Variants in MYO10 observed in about 807,000 individuals in gnomAD.
The protein encoded by MYO10 is myosin X, also known as unconventional myosin-X.
MYO10 carries 133 observed loss-of-function variants against 257.3 expected under a neutral mutation model. The ratio of observed to expected loss-of-function variants is 0.52; its 90% CI spans 0.45 to 0.60. The LOEUF is 0.60. Among genes scored for constraint, MYO10 ranks in the 20% least tolerant of loss-of-function variants. The probability of loss-of-function intolerance (pLI) is 0.00; values close to 1 mark genes in which losing one functional copy is unlikely to be tolerated. For missense variants in MYO10, 2,399 were observed against 2,635.7 expected, an observed-to-expected ratio of 0.91 and a Z score of 1.97; for synonymous variants, 1,104 against 1,028.6, an observed-to-expected ratio of 1.07 and a Z score of -1.40.
chr5:16,671,272 A>G (rs974077474), intron 38 of MYO10, 150 bp downstream of exon 38: 1 of 1,029,776 alleles, frequency 9.7e-7, no homozygotes, highest in African/African-American at 1.6e-5. Context: ...TCATTCTACA[A>G]ACGAATGAAA....
intron 19 of MYO10, among the ~76,000 whole-genome samples, chr5:16,727,975 A>G (rs1188874494): frequency 6.6e-6 from 1 of 151,648 alleles, no homozygotes; most frequent in Non-Finnish European, 1.5e-5. Context: ...AATTATGTCC[A>G]TGGGACATTC....
At position 16,681,342 on chromosome 5, in the gene MYO10, C is replaced by T. The variant is rs142263783; in HGVS notation, c.4351G>A (p.Val1451Ile). 1.7e-4 allele frequency: 278 copies of T among 1,613,254 alleles called. 2 individuals are homozygous for T. The East Asian group carries it at 4.3e-3, about 25-fold the overall frequency. Residue 1451 changes from valine to isoleucine, a missense_variant, in exon 32 of 41, where the codon GTC becomes ATC. Physicochemically the swap from Val to Ile is conservative, Grantham distance 29. This residue lies in a region of MYO10 where 1,820 missense variants were observed against 1,939.4 expected (regional missense o/e 0.94). Transcript: ENST00000513610. ...TLVLNSLCSV[V>I]PPDEKIFKET... is the part of the protein sequence containing the mutation. ...TTGAATATCTTCTCATCTGGGGGGA[C>T]GACAGAGCAGAGGCTGTTGAGGACC...
intron 2 of MYO10, among the ~76,000 whole-genome samples, chr5:16,853,296 C>CCCGAGAGGCGGAGCTTGCAGTGAGCTG (rs1561019534): frequency 6.6e-6 from 1 of 151,952 alleles, no homozygotes; most frequent in East Asian, 1.9e-4. Context: ...ATGGCATGAA[C>CCCGAGAGGCGGAGCTTGCAGTGAGCTG]CCGAGAGGCG....
chr5:16,843,205 C>T (rs995879505), intron 2 of MYO10, among the ~76,000 whole-genome samples: 9 of 152,166 alleles, frequency 5.9e-5, no homozygotes, highest in South Asian at 2.1e-4. Context: ...GAAGCTTCCA[C>T]GTGCTCCAGC....
intron 22 of MYO10, among the ~76,000 whole-genome samples, chr5:16,703,614 C>T (rs900521766): frequency 2.6e-5 from 4 of 152,136 alleles, no homozygotes; most frequent in Non-Finnish European, 5.9e-5. Flanking sequence ...TGCGGTGGCT[C>T]ATGCCTGTAA....
In MYO10 at chr5:16,701,133, C is replaced by G; in HGVS notation, c.3262G>C (p.Asp1088His). 6.3e-7 allele frequency: 1 copy of G among 1,597,706 alleles called. No individual in the cohort carries two copies. Residue 1088 changes from aspartate to histidine, a missense_variant, in exon 25 of 41, where the codon GAC (aspartate) becomes CAC (histidine). Transcript: ENST00000513610. The surrounding 1 kb of genome is among the most constrained non-coding windows in gnomAD (Gnocchi z 8.1). The part of the protein sequence containing the change: ...NAGDLPSPDG[D>H]YDYDQDDYED... Reference sequence around the variant, plus strand: ...TAGTCATCCTGGTCGTAGTCGTAGTCGCCGTCTGGGGAGGGCAAGTCCCCA... The same window carrying G: ...TAGTCATCCTGGTCGTAGTCGTAGTGGCCGTCTGGGGAGGGCAAGTCCCCA...
At chr5:16,761,733 T>C (rs1740719303) in intron 16 of MYO10, among the ~76,000 whole-genome samples, 187 bp from the exon 17 acceptor site, 1 of 152,110 alleles carries the variant, frequency 6.6e-6, no homozygotes, top group Non-Finnish European at 1.5e-5. Flanking sequence ...TCATGCAGCC[T>C]CAAATTCCTA....
intron 9 of MYO10, among the ~76,000 whole-genome samples, chr5:16,777,101 G>T (rs1741242408): frequency 6.6e-6 from 1 of 152,132 alleles, no homozygotes; most frequent in African/African-American, 2.4e-5. Context: ...GTAGTGAGAG[G>T]TCTAAAGGGC....
chr5:16,675,719 C>A (rs891653454), intron 34 of MYO10, among the ~76,000 whole-genome samples: 1 of 152,074 alleles, frequency 6.6e-6, no homozygotes, highest in Non-Finnish European at 1.5e-5. Context: ...GCCTGAGTGA[C>A]AGAGTAAGAC....
intron 18 of MYO10, among the ~76,000 whole-genome samples, chr5:16,755,789 T>C (rs923558528): frequency 2.6e-5 from 4 of 151,004 alleles, no homozygotes; most frequent in African/African-American, 9.7e-5. Context: ...CAATGAGTTC[T>C]CATTACCAGC....
chr5:16,708,415 G>C (rs1321063535), intron 21 of MYO10, among the ~76,000 whole-genome samples: 1 of 152,126 alleles, frequency 6.6e-6, no homozygotes, highest in African/African-American at 2.4e-5. Flanking sequence ...GCCTGCCTTG[G>C]GCCTGATTTC....
intron 1 of MYO10, among the ~76,000 whole-genome samples, chr5:16,889,191 A>T (rs1580118230): frequency 4.2e-5 from 2 of 48,034 alleles, no homozygotes; most frequent in East Asian, 7.2e-4. Flanking sequence ...AAAAAATTTA[A>T]AAAAAAAAAA....
chr5:16,822,927 T>A (rs940366160), intron 2 of MYO10, among the ~76,000 whole-genome samples: 1 of 151,508 alleles, frequency 6.6e-6, no homozygotes, highest in Non-Finnish European at 1.5e-5. Context: ...GACCTCGTGA[T>A]CCGCCCGCCT....
At chr5:16,912,801 TGCACACACACACAC>T (rs1561055625) in intron 1 of MYO10, among the ~76,000 whole-genome samples, 1 of 50,996 alleles carries the variant, frequency 2.0e-5, no homozygotes, top group Admixed American at 2.2e-4. Flanking sequence ...CCTACCACCC[TGCACACACACACAC>T]ACACACACAC....
chr5:16,730,447 G>A (rs1320601492), intron 19 of MYO10, among the ~76,000 whole-genome samples: 1 of 152,200 alleles, frequency 6.6e-6, no homozygotes, highest in Non-Finnish European at 1.5e-5. Flanking sequence ...TTATGGGGAA[G>A]GGGCTTAGTC....
chr5:16,837,223 T>C (rs1003508739), intron 2 of MYO10, among the ~76,000 whole-genome samples: 2 of 152,056 alleles, frequency 1.3e-5, no homozygotes, highest in African/African-American at 4.8e-5. Context: ...AGCAGGAGAA[T>C]TGCTGAAACC....
At chr5:16,693,396 C>T (rs187048383) in intron 27 of MYO10, among the ~76,000 whole-genome samples, 26 of 152,332 alleles carry the variant, frequency 1.7e-4, no homozygotes, top group Middle Eastern at 3.4e-3. Flanking sequence ...TTCTCACAAG[C>T]GCACTCCCGC....
chr5:16,815,586 T>C (rs1360126075), intron 3 of MYO10: 1 of 631,378 alleles, frequency 1.6e-6, no homozygotes, highest in Non-Finnish European at 2.8e-6. Context: ...ACCAGGTGCC[T>C]GGCAGTGTCC....
intron 33 of MYO10, among the ~76,000 whole-genome samples, chr5:16,679,524 GTT>G (rs33919452): frequency 0.27 from 32,835 of 122,786 alleles, 3,520 homozygotes; most frequent in African/African-American, 0.4. Context: ...TTTTTTGGGT[GTT>G]TTTTTTTTTT....
Sources: allele counts gnomAD v4.1 joint callset (sites outside exome capture counted in the v4.1 genomes callset), GRCh38; gene constraint gnomAD v4.1.1; regional missense constraint gnomAD v4.1.1; non-coding constraint Gnocchi (gnomAD v3.1); transcripts MANE v1.5; gene names NCBI Gene and HGNC (gene_info 2026-07-23, HGNC 2026-07-21).